FMO5: variants seen among roughly 807,000 people sequenced by gnomAD.
FMO5 encodes flavin containing dimethylaniline monoxygenase 5.
In FMO5, 51 loss-of-function variants were observed where a neutral mutation model predicts 43.6. The observed-to-expected ratio is 1.17, with a 90% CI of 0.93 to 1.48. FMO5 has a LOEUF of 1.48. Ranked by LOEUF, FMO5 falls within the 40% of genes most tolerant of loss-of-function variation. FMO5 has a pLI of 0.00. For synonymous variants in FMO5, 187 were observed against 216.5 expected, an observed-to-expected ratio of 0.86 and a Z score of 1.20; for missense variants, 644 against 643.0, an observed-to-expected ratio of 1.00 and a Z score of -0.02.
intron 7 of FMO5, among the ~76,000 whole-genome samples, chr1:147,193,913 T>A (rs1657416309): frequency 6.6e-6 from 1 of 152,034 alleles, no homozygotes; most frequent in Non-Finnish European, 1.5e-5. Context: ...TGCTGAGGAG[T>A]GCTTTACTTC....
At chr1:147,220,912 C>A (rs1214997609) in intron 2 of FMO5, among the ~76,000 whole-genome samples, 1 of 141,360 alleles carries the variant, frequency 7.1e-6, no homozygotes, top group African/African-American at 2.7e-5. Flanking sequence ...TAATTTCTTA[C>A]TTATAATAAC....
At chr1:147,184,541 T>G (rs1655456337), downstream of FMO5, 5 of 1,548,686 alleles carry the variant, frequency 3.2e-6, no homozygotes, top group South Asian at 6.0e-5. The surrounding 1 kb of genome is among the most constrained non-coding windows in gnomAD (Gnocchi z 4.4). Context: ...CAGACTTTCT[T>G]TGTTGATGAT....
chr1:147,195,071 G>A (rs1446684678), intron 7 of FMO5, among the ~76,000 whole-genome samples: 1 of 152,020 alleles, frequency 6.6e-6, no homozygotes, highest in Admixed American at 6.6e-5. Flanking sequence ...CTAGATTGGG[G>A]AAGTTCTCCT....
At chr1:147,193,965 G>A (rs1333321996) in intron 7 of FMO5, among the ~76,000 whole-genome samples, 7 of 151,982 alleles carry the variant, frequency 4.6e-5, no homozygotes, top group Non-Finnish European at 1.0e-4. Flanking sequence ...GTGTGGTGCT[G>A]AAAAAAATGT....
Position 147,208,947 on chromosome 1 carries a change from C to G in FMO5, c.735G>C (p.Trp245Cys), listed in dbSNP as rs782441743. Residue 245 changes from tryptophan to cysteine, a missense_variant, in exon 6 of 9, where the codon TGG becomes TGC. Trp to Cys is a radical substitution (Grantham distance 215, BLOSUM62 -2). Coordinates refer to ENST00000254090, the MANE Select transcript of FMO5 (RefSeq NM_001461.4). ...LFSSRLTHFI[W>C]KICGQSLANK... ...TTGCTAATGATTGGCCACAGATCTT[C>G]CATATAAAATGTGTAAGTCGAGAAG... 6.2e-7 allele frequency: 1 copy of G among 1,613,976 alleles called. No individual in the cohort carries two copies. Among genetic ancestry groups the G allele is most frequent in the Non-Finnish European group, 8.5e-7 (1 of 1,179,868 alleles).
intron 5 of FMO5, chr1:147,210,195 TCTGA>T (rs1660858660): frequency 6.6e-6 from 1 of 152,216 alleles, no homozygotes; most frequent in African/African-American, 2.4e-5. Flanking sequence ...CCAACCCAGG[TCTGA>T]CTAACTCCAA....
At position 147,187,111 on chromosome 1, in the gene FMO5, A is replaced by C. The variant is rs1052687286; in HGVS notation, c.1391T>G (p.Leu464Ter). 2.5e-6 allele frequency: 4 copies of C among 1,614,096 alleles called. No individual in the cohort carries two copies. Among genetic ancestry groups the C allele is most frequent in the South Asian group, 2.2e-5 (2 of 91,080 alleles). ...FTDPKLALHL[L>*]LGPCTPIHYR... ...GTGGATTGGAGTGCAGGGTCCCAGT[A>C]ATAAGTGTAATGCCAGCTTGGGGTC... The change falls in exon 9 of 9, where the codon TTA (leucine) becomes TGA (stop). Residue 464 changes from leucine to a stop codon, truncating the protein, a stop_gained. Transcript: ENST00000254090. LOFTEE classifies it low-confidence loss of function (END_TRUNC).
At chr1:147,210,215 G>A (rs1297065386) in intron 5 of FMO5, 1 of 152,208 alleles carries the variant, frequency 6.6e-6, no homozygotes, top group Non-Finnish European at 1.5e-5. Context: ...TCCAAAGCCT[G>A]TGCTTAAGAA....
At chr1:147,189,954 CAT>C (rs1553918076) in intron 8 of FMO5, among the ~76,000 whole-genome samples, 2 of 152,106 alleles carry the variant, frequency 1.3e-5, no homozygotes, top group Non-Finnish European at 2.9e-5. Flanking sequence ...AGGCATTAAA[CAT>C]ATGATTTTAG....
At chr1:147,191,875 C>T (rs1656904706) in intron 7 of FMO5, among the ~76,000 whole-genome samples, 2 of 151,972 alleles carry the variant, frequency 1.3e-5, no homozygotes, top group South Asian at 2.1e-4. Flanking sequence ...TCTATATCTC[C>T]CTTTTGGTAC....
At chr1:147,219,635 C>T (rs1000881698) in intron 2 of FMO5, among the ~76,000 whole-genome samples, 10 of 147,510 alleles carry the variant, frequency 6.8e-5, no homozygotes, top group African/African-American at 1.3e-4. Context: ...TTAGCTAGTA[C>T]AATAATAGAA....
rs1283546701 is a variant in FMO5, at chr1:147,219,962, C to T, written c.136-4020G>A. 3.3e-5 allele frequency among the ~76,000 whole-genome samples: 5 copies of T among 151,844 alleles called. No homozygotes were observed. In the East Asian group the frequency reaches 7.8e-4, roughly 24 times the overall value. On this transcript the variant is annotated intron_variant, in intron 2 of 8. Coordinates refer to ENST00000254090, the MANE Select transcript of FMO5 (RefSeq NM_001461.4). ...CAAGCAATTCTCCTGCCTCAGCCTC[C>T]GGAGTAACTGGGACTACAGGCGCAT...
intron 6 of FMO5, chr1:147,203,463 G>A: frequency 2.4e-6 from 2 of 828,670 alleles, no homozygotes; most frequent in Non-Finnish European, 2.2e-6. Flanking sequence ...TTACAGCAGG[G>A]ACTACAGCCT....
intron 2 of FMO5, among the ~76,000 whole-genome samples, chr1:147,220,026 G>A (rs1178182857): frequency 1.3e-5 from 2 of 152,028 alleles, no homozygotes; most frequent in African/African-American, 4.8e-5. Context: ...TTTTAGTAGA[G>A]ATGGGGTTTC....
chr1:147,187,152 C>G lies in FMO5; in HGVS notation c.1350G>C (p.Leu450=), dbSNP rs1553917315. The G allele has an allele frequency of 6.2e-7, 1 of 1,614,078 alleles. No homozygotes were observed. The highest frequency in any genetic ancestry group is 1.1e-5 in the South Asian group (1 of 91,068). Residue 450 remains leucine, a synonymous_variant, in exon 9 of 9, where the codon CTG becomes CTC. Transcript: ENST00000254090. ...GCTTGGGGTCAGTGAAGGCCAGAGACAGCAGATTGGGCCTGACCCCCACCA... is the reference window on the plus strand; with the variant it reads ...GCTTGGGGTCAGTGAAGGCCAGAGAGAGCAGATTGGGCCTGACCCCCACCA... The part of the protein sequence containing the change: ...ADLVGVRPNL[L]SLAFTDPKLA...
intron 2 of FMO5, among the ~76,000 whole-genome samples, chr1:147,221,034 A>C (rs1662924953): frequency 6.6e-6 from 1 of 151,850 alleles, no homozygotes; most frequent in Non-Finnish European, 1.5e-5. Context: ...ATTCCTCCCC[A>C]AAAGTCATAA....
intron 2 of FMO5, chr1:147,224,070 T>C: frequency 2.7e-6 from 1 of 371,658 alleles, no homozygotes; most frequent in Non-Finnish European, 5.3e-6. Flanking sequence ...CTGCCTGCCC[T>C]GTGTCCCAAA....
chr1:147,213,239 T>A, intron 4 of FMO5, 69 bp downstream of exon 4: 1 of 1,272,324 alleles, frequency 7.9e-7, no homozygotes, highest in South Asian at 1.8e-5. Flanking sequence ...CAGACCACAA[T>A]CCTCCCATTC....
chr1:147,189,876 C>T (rs1656356124), intron 8 of FMO5, among the ~76,000 whole-genome samples: 1 of 152,146 alleles, frequency 6.6e-6, no homozygotes. Context: ...AAGTAATCCT[C>T]ACAAAAATAA....
Sources: allele counts gnomAD v4.1 joint callset (sites outside exome capture counted in the v4.1 genomes callset), GRCh38; gene constraint gnomAD v4.1.1; non-coding constraint Gnocchi (gnomAD v3.1); transcripts MANE v1.5; gene names NCBI Gene and HGNC (gene_info 2026-07-23, HGNC 2026-07-21).